The following PRKACB variants were observed in gnomAD, a reference collection of about 807,000 sequenced individuals.
PRKACB encodes cAMP-dependent protein kinase catalytic subunit beta.
A neutral mutation model predicts 51.4 loss-of-function variants in PRKACB; 16 were observed. The observed-to-expected ratio is 0.31, with a 90% CI of 0.21 to 0.47. PRKACB has a LOEUF of 0.47. Ranked by LOEUF, PRKACB falls within the 20% of genes least tolerant of loss-of-function variation. The pLI is 1.00. For synonymous variants in PRKACB, 147 were observed against 154.4 expected, an observed-to-expected ratio of 0.95 and a Z score of 0.35; for missense variants, 309 against 464.5, an observed-to-expected ratio of 0.67 and a Z score of 3.08.
At position 84,225,732 on chromosome 1, in the gene PRKACB, A is replaced by G. The variant is rs113393403; in HGVS notation, c.1072-9448A>G. 2.3e-3 allele frequency among the ~76,000 whole-genome samples: 357 copies of G among 152,202 alleles called. 2 individuals are homozygous for G. The highest frequency in any genetic ancestry group is 8.0e-3 in the African/African-American group (333 of 41,532). On this transcript the variant is annotated intron_variant, in intron 9 of 9. Transcript: ENST00000370685. ...TTCACGAGGGTTGTGGGGATCTTAC[A>G]TGGCTAGGATTGCAAGAGTCTGTGG...
At chr1:84,161,494 A>G (rs1249845222) in intron 1 of PRKACB, among the ~76,000 whole-genome samples, 1 of 151,648 alleles carries the variant, frequency 6.6e-6, no homozygotes, top group African/African-American at 2.4e-5. Flanking sequence ...TGTAGCTTCC[A>G]TTTTACTGTT....
chr1:84,109,902 T>G (rs1252833945), intron 1 of PRKACB, among the ~76,000 whole-genome samples: 1 of 151,974 alleles, frequency 6.6e-6, no homozygotes, highest in African/African-American at 2.4e-5. Flanking sequence ...TTATAAACTT[T>G]CCTTATTTGT....
At chr1:84,125,325 C>A (rs145538699) in intron 1 of PRKACB, among the ~76,000 whole-genome samples, 1 of 152,184 alleles carries the variant, frequency 6.6e-6, no homozygotes, top group African/African-American at 2.4e-5. Flanking sequence ...CATTCTCACA[C>A]GTGAAATTTC....
chr1:84,087,189 A>C (rs908062668), intron 1 of PRKACB, among the ~76,000 whole-genome samples: 1 of 152,254 alleles, frequency 6.6e-6, no homozygotes, highest in Non-Finnish European at 1.5e-5. Flanking sequence ...AGCTAACAGG[A>C]GTAAGAGCAT....
intron 1 of PRKACB, among the ~76,000 whole-genome samples, chr1:84,098,891 T>G (rs1260088056): frequency 2.0e-5 from 3 of 151,996 alleles, no homozygotes; most frequent in Non-Finnish European, 4.4e-5. Context: ...AGATAATATT[T>G]GGGGTATCAA....
At chr1:84,182,160 T>C (rs769302578) in intron 2 of PRKACB, 40 bp from the exon 3 acceptor site, 1 of 1,375,638 alleles carries the variant, frequency 7.3e-7, no homozygotes, top group Admixed American at 2.3e-5. Context: ...CATAGTGTTT[T>C]TACGAGAATT....
At position 84,214,297 on chromosome 1, in the gene PRKACB, A is replaced by G; in HGVS notation, c.1051A>G (p.Ile351Val). The G allele has an allele frequency of 3.1e-6, 5 of 1,602,840 alleles. No individual in the cohort carries two copies. Among genetic ancestry groups the G allele is most frequent in the Non-Finnish European group, 4.3e-6 (5 of 1,175,850 alleles). Reference sequence around the variant, plus strand: ...CAAGTGGTTTGCCACGACAGATTGGATTGCTATTTACCAGAGGAAGGTGAG... The same window carrying G: ...CAAGTGGTTTGCCACGACAGATTGGGTTGCTATTTACCAGAGGAAGGTGAG... ...THKWFATTDW[I>V]AIYQRKVEAP... Residue 351 changes from isoleucine to valine, a missense_variant, in exon 9 of 10, where the codon ATT becomes GTT. Ile to Val is a conservative substitution (Grantham distance 29). This residue lies in a region of PRKACB where 96 missense variants were observed against 129.9 expected (regional missense o/e 0.74). Transcript: ENST00000370685.
intron 5 of PRKACB, among the ~76,000 whole-genome samples, chr1:84,187,982 A>T (rs2101061364): frequency 6.6e-6 from 1 of 152,194 alleles, no homozygotes; most frequent in East Asian, 1.9e-4. Flanking sequence ...TTAGTAATAT[A>T]ATCAGTGTTT....
In PRKACB at chr1:84,237,827, A is replaced by G. The variant is rs1676789571; in HGVS notation, c.*2522A>G. The G allele has an allele frequency of 6.6e-6, 1 of 152,170 alleles. No homozygotes were observed. The highest frequency in any genetic ancestry group is 1.5e-5 in the Non-Finnish European group (1 of 67,980). 9.4% of individuals were successfully genotyped at this position (152,170 alleles called of 1,614,324 possible). On this transcript the variant is annotated 3_prime_UTR_variant, in exon 10 of 10. Transcript: ENST00000370685. ...GGAGCCCTAGACTGAAAGTCAAGAC[A>G]TCTGAATTTCAGGCTGGAAAACTAT...
Position 84,182,468 on chromosome 1 carries a change from AT to A in PRKACB, c.378+145del, listed in dbSNP as rs1572154656. 2.3e-5 allele frequency: 14 copies of A among 617,688 alleles called. No individual in the cohort carries two copies. In the East Asian group the frequency reaches 5.5e-4, roughly 24 times the overall value. 38.3% of individuals were successfully genotyped at this position (617,688 alleles called of 1,614,324 possible). A position where few individuals can be genotyped will look rare whatever the true frequency, so the allele number is the denominator to read the frequency against. On this transcript the variant is annotated intron_variant, in intron 3 of 9. Transcript: ENST00000370685. ...TAAATTTAATTTTTATTGTAACTAA[AT>A]TTTTATTGTAACTATATTATACATA...
At chr1:84,173,837 A>T (rs1660338994) in intron 1 of PRKACB, among the ~76,000 whole-genome samples, 1 of 151,904 alleles carries the variant, frequency 6.6e-6, no homozygotes, top group Non-Finnish European at 1.5e-5. Flanking sequence ...TACAAAAATG[A>T]CACTATTAAA....
chr1:84,135,197 AC>A (rs142808577), intron 1 of PRKACB, among the ~76,000 whole-genome samples: 3,348 of 152,272 alleles, frequency 0.022, 119 homozygotes, highest in African/African-American at 0.076. Flanking sequence ...AGCATTACAT[AC>A]GTATTTGGCA....
At chr1:84,102,675 T>C (rs938315208) in intron 1 of PRKACB, among the ~76,000 whole-genome samples, 6 of 152,140 alleles carry the variant, frequency 3.9e-5, no homozygotes, top group African/African-American at 1.4e-4. Flanking sequence ...GAAAAAAGTG[T>C]ACGGGCCCTC....
At chr1:84,134,682 A>G (rs1652612193) in intron 1 of PRKACB, among the ~76,000 whole-genome samples, 1 of 152,244 alleles carries the variant, frequency 6.6e-6, no homozygotes, top group Non-Finnish European at 1.5e-5. Context: ...CGGGGAAGAA[A>G]GAATAAAGTC....
chr1:84,079,588 G>A (rs1008429340), intron 1 of PRKACB, among the ~76,000 whole-genome samples: 2 of 152,178 alleles, frequency 1.3e-5, no homozygotes, highest in African/African-American at 4.8e-5. Context: ...AGTTTGATGA[G>A]CTATTATATA....
chr1:84,187,532 A>G (rs1665508528), intron 5 of PRKACB, among the ~76,000 whole-genome samples: 1 of 152,124 alleles, frequency 6.6e-6, no homozygotes, highest in South Asian at 2.1e-4. Context: ...TGTGGCCCAT[A>G]CATCAGGCAT....
intron 9 of PRKACB, among the ~76,000 whole-genome samples, chr1:84,229,079 C>A (rs1446045964): frequency 8.2e-6 from 1 of 122,028 alleles, no homozygotes; most frequent in African/African-American, 3.1e-5. Flanking sequence ...TATCCCTCCC[C>A]CCTCCCCCCA....
chr1:84,199,067 A>G (rs553145580), intron 7 of PRKACB, among the ~76,000 whole-genome samples: 695 of 52,094 alleles, frequency 0.013, 3 homozygotes, highest in Middle Eastern at 0.033. Flanking sequence ...ATGCGTATAT[A>G]TGCATATATG....
chr1:84,108,531 T>A (rs942948227), intron 1 of PRKACB, among the ~76,000 whole-genome samples: 3 of 151,998 alleles, frequency 2.0e-5, no homozygotes, highest in Non-Finnish European at 4.4e-5. Flanking sequence ...AAATTGAGAT[T>A]ATAATAATAA....
Sources: gnomAD v4.1 joint callset for allele counts (sites outside exome capture counted in the v4.1 genomes callset) on GRCh38, gnomAD v4.1.1 for gene constraint, gnomAD v4.1.1 regional missense constraint, MANE v1.5 for transcripts, NCBI Gene and HGNC (gene_info 2026-07-23, HGNC 2026-07-21) for gene names.